SGCZ: variants seen among roughly 807,000 people sequenced by gnomAD.
SGCZ encodes sarcoglycan zeta.
SGCZ carries 40 observed loss-of-function variants against 41.3 expected under a neutral mutation model. That is an observed-to-expected ratio of 0.97 (90% CI 0.75 to 1.26). SGCZ has a LOEUF of 1.26. Among genes scored for constraint, SGCZ ranks in the 50% most tolerant of loss-of-function variants. The pLI is 0.00. For synonymous variants in SGCZ, 206 were observed against 137.5 expected, an observed-to-expected ratio of 1.50 and a Z score of -3.49; for missense variants, 552 against 369.8, an observed-to-expected ratio of 1.49 and a Z score of -4.04.
chr8:14,862,277 A>G (rs892874204), intron 1 of SGCZ, among the ~76,000 whole-genome samples: 6 of 151,824 alleles, frequency 4.0e-5, no homozygotes, highest in African/African-American at 4.8e-5. Context: ...TTCTGAGCAT[A>G]CTGCACCACT....
At chr8:14,109,439 A>T (rs1041851628) in intron 5 of SGCZ, among the ~76,000 whole-genome samples, 2 of 152,184 alleles carry the variant, frequency 1.3e-5, no homozygotes, top group Admixed American at 1.3e-4. Context: ...TATCACCCTC[A>T]AAATAAACTT....
At chr8:14,986,731 G>T (rs1031502554) in intron 1 of SGCZ, among the ~76,000 whole-genome samples, 2 of 151,960 alleles carry the variant, frequency 1.3e-5, no homozygotes, top group Non-Finnish European at 2.9e-5. Flanking sequence ...TATCTCTCCT[G>T]ACCTGGTTCT....
intron 1 of SGCZ, among the ~76,000 whole-genome samples, chr8:14,576,721 A>T (rs1215098268): frequency 6.6e-6 from 1 of 152,154 alleles, no homozygotes; most frequent in Non-Finnish European, 1.5e-5. Flanking sequence ...AATTAGTGCA[A>T]TTTCCTTGGA....
chr8:14,554,622 C>A, intron 2 of SGCZ, 110 bp downstream of exon 2: 2 of 892,460 alleles, frequency 2.2e-6, no homozygotes, highest in South Asian at 2.1e-5. Flanking sequence ...TTTAAAAACA[C>A]ACACTTGTAA....
intron 3 of SGCZ, among the ~76,000 whole-genome samples, chr8:14,301,060 A>AATCATCATT (rs150748696): frequency 4.7e-5 from 7 of 147,902 alleles, no homozygotes; most frequent in African/African-American, 1.8e-4. Flanking sequence ...AACACAAGAA[A>AATCATCATT]ATCATCATCA....
chr8:14,328,426 T>A (rs752857269), intron 2 of SGCZ, among the ~76,000 whole-genome samples: 1 of 152,120 alleles, frequency 6.6e-6, no homozygotes, highest in Non-Finnish European at 1.5e-5. Flanking sequence ...TAAGTGCCAA[T>A]CACTTAACTA....
chr8:14,814,441 T>C (rs1801836190), intron 1 of SGCZ, among the ~76,000 whole-genome samples: 1 of 152,140 alleles, frequency 6.6e-6, no homozygotes, highest in Admixed American at 6.5e-5. Context: ...CCAATAGCAC[T>C]TTCCAGTATA....
At chr8:14,819,550 C>G (rs1222335314) in intron 1 of SGCZ, among the ~76,000 whole-genome samples, 1 of 152,036 alleles carries the variant, frequency 6.6e-6, no homozygotes, top group Non-Finnish European at 1.5e-5. Context: ...ATGAAACTCT[C>G]CAACAAAGAT....
chr8:15,088,296 C>G (rs1230339881), intron 1 of SGCZ, among the ~76,000 whole-genome samples: 5 of 152,058 alleles, frequency 3.3e-5, no homozygotes, highest in Non-Finnish European at 5.9e-5. Flanking sequence ...AAGAATATGT[C>G]CTTTAAAGGA....
At position 14,507,264 on chromosome 8, in the gene SGCZ, C is replaced by T. The variant is rs17119502; in HGVS notation, c.234+47468G>A. ...ACTGCTACTGCCAACTTGATAAAGG[C>T]CACCGTCTTTCTTACACTCCCATAG... On this transcript the variant is annotated intron_variant, in intron 2 of 7. Coordinates refer to ENST00000382080, the MANE Select transcript of SGCZ (RefSeq NM_139167.4). 9.8e-3 allele frequency among the ~76,000 whole-genome samples: 1,487 copies of T among 152,260 alleles called. 29 individuals are homozygous for T. The highest frequency in any genetic ancestry group is 0.033 in the African/African-American group (1,381 of 41,546).
intron 1 of SGCZ, among the ~76,000 whole-genome samples, chr8:15,043,608 C>G (rs1043107257): frequency 3.3e-5 from 5 of 151,926 alleles, no homozygotes; most frequent in Admixed American, 1.3e-4. Context: ...TATAAAATAA[C>G]ATTAAAATAC....
rs1382510791 is a variant in SGCZ, at chr8:14,510,197, T to A, written c.234+44535A>T. 2.6e-5 allele frequency among the ~76,000 whole-genome samples: 4 copies of A among 152,154 alleles called. No individual in the cohort carries two copies. The East Asian group carries it at 5.8e-4, about 22-fold the overall frequency. The stretch of plus-strand genomic sequence containing the variant: ...ACCTAATAAGTTTTGAGTTTATTAT[T>A]AAAAAATTCTCCTTTATTTAAAATT... On this transcript the variant is annotated intron_variant, in intron 2 of 7. Coordinates refer to ENST00000382080, the MANE Select transcript of SGCZ (RefSeq NM_139167.4).
At chr8:14,220,096 C>A (rs1017137922) in intron 4 of SGCZ, among the ~76,000 whole-genome samples, 2 of 152,110 alleles carry the variant, frequency 1.3e-5, no homozygotes, top group Admixed American at 6.5e-5. Flanking sequence ...CCTAATAGAT[C>A]GGTGCTTCTA....
At chr8:14,877,322 A>C (rs919981202) in intron 1 of SGCZ, among the ~76,000 whole-genome samples, 3 of 152,182 alleles carry the variant, frequency 2.0e-5, no homozygotes, top group African/African-American at 7.2e-5. Flanking sequence ...AGTCTTGGCT[A>C]CATCATGTCT....
chr8:14,413,778 C>T (rs80267271), intron 2 of SGCZ, among the ~76,000 whole-genome samples: 5,292 of 151,980 alleles, frequency 0.035, 114 homozygotes, highest in Middle Eastern at 0.062. Context: ...CACATTCTAA[C>T]GAAGAGTCTG....
chr8:14,600,310 G>A lies in SGCZ; in HGVS notation c.40-45384C>T, dbSNP rs549522171. ...ATTTCTCCATCTATTTCCTTTAACG[G>A]CATCTATATACTGATGACTCAGAAG... On this transcript the variant is annotated intron_variant, in intron 1 of 7. Coordinates refer to ENST00000382080, the MANE Select transcript of SGCZ (RefSeq NM_139167.4). Among the ~76,000 whole-genome samples, 53 of 152,050 alleles carry A rather than the reference G, an allele frequency of 3.5e-4. 1 individual carries two copies. The highest frequency in any genetic ancestry group is 1.2e-3 in the African/African-American group (50 of 41,456).
chr8:14,164,084 A>G lies in SGCZ; in HGVS notation c.547+496T>C, dbSNP rs574760397. ...TAGTGACCCCAATATTATAATAATG[A>G]CTTTTAAATAATATGTGTATAGCAT... On this transcript the variant is annotated intron_variant, in intron 5 of 7. Coordinates refer to ENST00000382080, the MANE Select transcript of SGCZ (RefSeq NM_139167.4). Among the ~76,000 whole-genome samples the G allele has an allele frequency of 1.6e-3, 237 of 152,248 alleles. 1 individual carries two copies. Among genetic ancestry groups the G allele is most frequent in the Non-Finnish European group, 2.8e-3 (191 of 68,030 alleles).
intron 1 of SGCZ, among the ~76,000 whole-genome samples, chr8:14,685,412 G>A (rs1170443219): frequency 6.6e-6 from 1 of 151,890 alleles, no homozygotes. Context: ...AAATGAAAAT[G>A]GTTAATTTTT....
chr8:14,133,739 G>A (rs887125596), intron 5 of SGCZ, among the ~76,000 whole-genome samples: 1 of 151,902 alleles, frequency 6.6e-6, no homozygotes, highest in Non-Finnish European at 1.5e-5. Flanking sequence ...AATTACTTTT[G>A]ACAGTTTCTG....
Sources: gnomAD v4.1 joint callset for allele counts (sites outside exome capture counted in the v4.1 genomes callset) on GRCh38, gnomAD v4.1.1 for gene constraint, MANE v1.5 for transcripts, NCBI Gene and HGNC (gene_info 2026-07-23, HGNC 2026-07-21) for gene names.